Variants in OR51C1 observed in about 807,000 individuals in gnomAD.
OR51C1 encodes the protein olfactory receptor family 51 subfamily C member 1, also known as olfactory receptor OR51C1.
chr11:4,694,061 C>T, the OR51C1 span, among the ~76,000 whole-genome samples: 1 of 152,090 alleles, frequency 6.6e-6, no homozygotes, highest in African/African-American at 2.4e-5. Flanking sequence ...TAATTTTTGT[C>T]ATTGTGTTGT....
chr11:4,693,429 A>G, the OR51C1 span, among the ~76,000 whole-genome samples: 4 of 152,204 alleles, frequency 2.6e-5, no homozygotes, highest in Non-Finnish European at 4.4e-5. Flanking sequence ...CATGTGTAAA[A>G]GTGTTGAGCA....
chr11:4,697,847 C>T, the OR51C1 span: 2 of 152,202 alleles, frequency 1.3e-5, no homozygotes, highest in African/African-American at 4.8e-5. Flanking sequence ...GTGGAGATTC[C>T]CAGAAGACTT....
the OR51C1 span, among the ~76,000 whole-genome samples, chr11:4,694,839 G>A: frequency 6.6e-6 from 1 of 151,922 alleles, no homozygotes; most frequent in Non-Finnish European, 1.5e-5. Flanking sequence ...GAATGTGTCT[G>A]TGTGTGTCAA....
the OR51C1 span, among the ~76,000 whole-genome samples, chr11:4,694,171 A>T: frequency 6.6e-6 from 1 of 151,980 alleles, no homozygotes; most frequent in African/African-American, 2.4e-5. Flanking sequence ...CATTTCAACA[A>T]TTTATTCATT....
chr11:4,691,561 G>A, the OR51C1 span: 464 of 456,976 alleles, frequency 1.0e-3, 4 homozygotes, highest in East Asian at 0.021. Context: ...GTAGCGAAGA[G>A]GATCAGGCTG....
the OR51C1 span, among the ~76,000 whole-genome samples, chr11:4,696,474 G>T: frequency 6.6e-6 from 1 of 152,060 alleles, no homozygotes; most frequent in Non-Finnish European, 1.5e-5. Flanking sequence ...AACCTCGGGA[G>T]GTCTATATAA....
chr11:4,690,808 T>C, the OR51C1 span: 1 of 435,090 alleles, frequency 2.3e-6, no homozygotes, highest in East Asian at 7.0e-5. Context: ...CGTATCTGTT[T>C]GGTTTTCACA....
At chr11:4,694,416 C>A in the OR51C1 span, among the ~76,000 whole-genome samples, 2 of 151,658 alleles carry the variant, frequency 1.3e-5, no homozygotes, top group African/African-American at 2.4e-5. Context: ...GCCAATAACT[C>A]CACTTTAGCT....
At chr11:4,695,317 T>C in the OR51C1 span, among the ~76,000 whole-genome samples, 1 of 152,222 alleles carries the variant, frequency 6.6e-6, no homozygotes, top group Non-Finnish European at 1.5e-5. Context: ...TTTAGTGCCA[T>C]TGGTTGCTTT....
At chr11:4,697,680 C>T in the OR51C1 span, 1 of 152,652 alleles carries the variant, frequency 6.6e-6, no homozygotes, top group Non-Finnish European at 1.5e-5. Context: ...TCGGCCTGTT[C>T]CTTTCAGGCT....
the OR51C1 span, chr11:4,690,499 G>T: frequency 1.0e-5 from 2 of 197,778 alleles, no homozygotes; most frequent in Non-Finnish European, 2.1e-5. Flanking sequence ...CCCAACAGTG[G>T]TGTGAGAAGG....
At chr11:4,690,570 C>T in the OR51C1 span, 9 of 253,904 alleles carry the variant, frequency 3.5e-5, no homozygotes, top group African/African-American at 2.1e-4. Context: ...ATGTCTTCAC[C>T]TCCTCATCTG....
the OR51C1 span, chr11:4,690,826 T>G: frequency 2.2e-6 from 1 of 453,536 alleles, no homozygotes; most frequent in African/African-American, 2.0e-5. Context: ...ACACTGTAGA[T>G]GACAGGGTTC....
chr11:4,696,263 G>A, the OR51C1 span, among the ~76,000 whole-genome samples: 23 of 152,058 alleles, frequency 1.5e-4, no homozygotes, highest in East Asian at 2.9e-3. Flanking sequence ...TCATTCTCTC[G>A]TCCCCTCCAA....
At chr11:4,691,492 T>A in the OR51C1 span, 1 of 456,380 alleles carries the variant, frequency 2.2e-6, no homozygotes, top group South Asian at 1.6e-5. Context: ...CCGAGGTCAG[T>A]GGCGGACAGC....
At chr11:4,694,274 C>G in the OR51C1 span, among the ~76,000 whole-genome samples, 2 of 151,970 alleles carry the variant, frequency 1.3e-5, no homozygotes, top group East Asian at 3.9e-4. Context: ...TATATTTTGA[C>G]CTGATCTGTG....
At chr11:4,694,744 G>C in the OR51C1 span, among the ~76,000 whole-genome samples, 1 of 152,142 alleles carries the variant, frequency 6.6e-6, no homozygotes, top group African/African-American at 2.4e-5. Flanking sequence ...ACTAGTTGTA[G>C]AGTGTATAAG....
the OR51C1 span, among the ~76,000 whole-genome samples, chr11:4,694,746 G>C: frequency 1.3e-5 from 2 of 152,244 alleles, no homozygotes; most frequent in African/African-American, 4.8e-5. Flanking sequence ...TAGTTGTAGA[G>C]TGTATAAGGA....
the OR51C1 span, among the ~76,000 whole-genome samples, chr11:4,693,917 C>T: frequency 1.3e-5 from 2 of 152,012 alleles, no homozygotes; most frequent in East Asian, 1.9e-4. Context: ...AGAGCAGAAC[C>T]GTTTTTCAAT....
Sources: gnomAD v4.1 joint callset for allele counts (sites outside exome capture counted in the v4.1 genomes callset) on GRCh38, gnomAD v4.1.1 for gene constraint, MANE v1.5 for transcripts, NCBI Gene and HGNC (gene_info 2026-07-23, HGNC 2026-07-21) for gene names.